Variants in EEPD1 observed in about 807,000 individuals in gnomAD.
EEPD1 encodes the protein endonuclease/exonuclease/phosphatase family domain-containing protein 1.
In EEPD1, 17 loss-of-function variants were observed where a neutral mutation model predicts 46.3. The ratio of observed to expected loss-of-function variants is 0.37; its 90% confidence interval spans 0.25 to 0.55. EEPD1 has a LOEUF of 0.55. EEPD1 is among the 20% of genes least tolerant of loss of function. The pLI, the probability that EEPD1 is intolerant of heterozygous loss-of-function variation, is 0.83. For synonymous variants in EEPD1, 313 were observed against 315.6 expected, an observed-to-expected ratio of 0.99 and a Z score of 0.09; for missense variants, 673 against 745.6, an observed-to-expected ratio of 0.90 and a Z score of 1.13.
At chr7:36,219,176 A>C (rs1050883954) in intron 2 of EEPD1, among the ~76,000 whole-genome samples, 1 of 152,146 alleles carries the variant, frequency 6.6e-6, no homozygotes, top group Non-Finnish European at 1.5e-5. Context: ...TGTGATAATG[A>C]TAATGCTAAT....
chr7:36,184,113 C>G (rs559078327), intron 2 of EEPD1, among the ~76,000 whole-genome samples: 1 of 152,218 alleles, frequency 6.6e-6, no homozygotes, highest in African/African-American at 2.4e-5. Context: ...CTTACAGTTA[C>G]TCAATTTGCT....
rs140060534 is a variant in EEPD1, at chr7:36,186,679, A to C, written c.878+31477A>C. 2.5e-3 allele frequency among the ~76,000 whole-genome samples: 384 copies of C among 152,386 alleles called. 1 individual carries two copies. Among genetic ancestry groups the C allele is most frequent in the Non-Finnish European group, 4.5e-3 (303 of 68,044 alleles). On this transcript the variant is annotated intron_variant, in intron 2 of 7. Transcript: ENST00000242108. ...TAATTCAAGGGAAGCAATGAAAAGT[A>C]ATTCAAAATAAATATGTAGCTAAGG...
At chr7:36,284,354 A>G (rs1484629908) in intron 4 of EEPD1, among the ~76,000 whole-genome samples, 2 of 152,212 alleles carry the variant, frequency 1.3e-5, no homozygotes, top group Non-Finnish European at 2.9e-5. Flanking sequence ...TCATCTGGGA[A>G]ATGGAAGCAT....
chr7:36,187,390 A>G (rs1486554165), intron 2 of EEPD1, among the ~76,000 whole-genome samples: 1 of 152,030 alleles, frequency 6.6e-6, no homozygotes, highest in African/African-American at 2.4e-5. Context: ...CCCCCATTAA[A>G]CACTAACTTC....
At chr7:36,172,534 C>T (rs530607149) in intron 2 of EEPD1, among the ~76,000 whole-genome samples, 3 of 152,232 alleles carry the variant, frequency 2.0e-5, no homozygotes, top group African/African-American at 4.8e-5. Flanking sequence ...TTGTCCAACC[C>T]ATGGCCTGCA....
intron 2 of EEPD1, among the ~76,000 whole-genome samples, chr7:36,175,158 G>T (rs894131379): frequency 2.0e-5 from 3 of 152,204 alleles, no homozygotes; most frequent in African/African-American, 7.2e-5. Flanking sequence ...CCTCCACATA[G>T]GTTATAGTTC....
At chr7:36,199,028 C>T (rs1392239351) in intron 2 of EEPD1, among the ~76,000 whole-genome samples, 2 of 152,002 alleles carry the variant, frequency 1.3e-5, no homozygotes, top group East Asian at 1.9e-4. Flanking sequence ...CTAAACATTG[C>T]CCACAGGCCC....
intron 2 of EEPD1, among the ~76,000 whole-genome samples, chr7:36,190,663 T>C (rs562060674): frequency 2.0e-5 from 3 of 152,208 alleles, no homozygotes; most frequent in Non-Finnish European, 2.9e-5. Context: ...TTTGTTCCAA[T>C]GGGTTTATTT....
chr7:36,215,504 G>T (rs186817683), intron 2 of EEPD1, among the ~76,000 whole-genome samples: 50 of 152,346 alleles, frequency 3.3e-4, no homozygotes, highest in African/African-American at 1.1e-3. Flanking sequence ...CCACACATCC[G>T]GAAGCTGATT....
At chr7:36,294,544 TAAG>T (rs756302599) in intron 6 of EEPD1, among the ~76,000 whole-genome samples, 2 of 152,208 alleles carry the variant, frequency 1.3e-5, no homozygotes, top group African/African-American at 4.8e-5. Flanking sequence ...AATGAAATGA[TAAG>T]AAGAACTTAG....
chr7:36,257,193 G>A (rs1786840484), intron 3 of EEPD1, among the ~76,000 whole-genome samples: 1 of 152,120 alleles, frequency 6.6e-6, no homozygotes, highest in Non-Finnish European at 1.5e-5. Flanking sequence ...GGGATCAGCT[G>A]TTAGTCTGAT....
chr7:36,173,658 A>G (rs1226309333), intron 2 of EEPD1, among the ~76,000 whole-genome samples: 1 of 152,152 alleles, frequency 6.6e-6, no homozygotes, highest in African/African-American at 2.4e-5. Flanking sequence ...TTTATAAATT[A>G]CCCAGTCTCA....
intron 2 of EEPD1, among the ~76,000 whole-genome samples, chr7:36,190,448 G>A (rs1408568782): frequency 2.0e-5 from 3 of 152,192 alleles, no homozygotes; most frequent in Non-Finnish European, 2.9e-5. Flanking sequence ...TGACTCCTGC[G>A]TCTTATCCCC....
At chr7:36,232,064 CTTAATA>C (rs963726298) in intron 2 of EEPD1, among the ~76,000 whole-genome samples, 27 of 152,012 alleles carry the variant, frequency 1.8e-4, no homozygotes, top group Admixed American at 1.3e-3. Flanking sequence ...GCAGTAGCTT[CTTAATA>C]TTAATATGCA....
chr7:36,230,074 TC>T (rs1311060883), intron 2 of EEPD1, among the ~76,000 whole-genome samples: 7 of 152,080 alleles, frequency 4.6e-5, no homozygotes, highest in African/African-American at 1.7e-4. Context: ...GATGATCCCT[TC>T]AGCCCCCAGT....
Position 36,285,170 on chromosome 7 carries a change from T to G in EEPD1, c.1176+350T>G, listed in dbSNP as rs539154998. On this transcript the variant is annotated intron_variant, in intron 5 of 7. Transcript: ENST00000242108. ...AGACCCCACCTCAGACATACAGAAT[T>G]TGGGGGATTATCCGGATGGCCTACT... Among the ~76,000 whole-genome samples the G allele has an allele frequency of 1.6e-3, 240 of 152,220 alleles. 2 individuals are homozygous for G. The highest frequency in any genetic ancestry group is 2.3e-3 in the Non-Finnish European group (159 of 68,016).
At chr7:36,160,458 A>G (rs1262760776) in intron 2 of EEPD1, among the ~76,000 whole-genome samples, 1 of 144,460 alleles carries the variant, frequency 6.9e-6, no homozygotes, top group African/African-American at 2.5e-5. Flanking sequence ...AGAATGCTCC[A>G]TGGAGGAATT....
At chr7:36,227,476 C>T (rs115055654) in intron 2 of EEPD1, among the ~76,000 whole-genome samples, 2,284 of 152,312 alleles carry the variant, frequency 0.015, 64 homozygotes, top group African/African-American at 0.051. Context: ...CATCCCTCCT[C>T]CTGGGCGTGT....
intron 2 of EEPD1, among the ~76,000 whole-genome samples, chr7:36,224,447 G>C (rs957685789): frequency 2.0e-5 from 3 of 152,170 alleles, no homozygotes; most frequent in Non-Finnish European, 4.4e-5. Context: ...CTAAAAAAAG[G>C]CTGTGGAAAA....
Sources: allele counts gnomAD v4.1 joint callset (sites outside exome capture counted in the v4.1 genomes callset), GRCh38; gene constraint gnomAD v4.1.1; transcripts MANE v1.5; gene names NCBI Gene and HGNC (gene_info 2026-07-23, HGNC 2026-07-21).